Variants in TMEM131 observed in about 807,000 individuals in gnomAD.
The protein encoded by TMEM131 is 2610524E03Rik.
TMEM131 carries 66 observed loss-of-function variants against 211.6 expected under a neutral mutation model. That is an observed-to-expected ratio of 0.31 (90% CI 0.26 to 0.38). The LOEUF is 0.38. Ranked by LOEUF, TMEM131 falls within the 10% of genes least tolerant of loss-of-function variation. The pLI is 1.00. For missense variants in TMEM131, 2,036 were observed against 2,299.3 expected (o/e 0.89, Z 2.34); for synonymous variants, 844 against 841.3 (o/e 1.00, Z -0.06).
intron 1 of TMEM131, among the ~76,000 whole-genome samples, chr2:97,962,199 C>T (rs754589537): frequency 8.6e-5 from 13 of 151,960 alleles, no homozygotes; most frequent in Non-Finnish European, 1.8e-4. Context: ...TCTCAAAAAA[C>T]GCTGCTTAAA....
At position 97,995,834 on chromosome 2, in the gene TMEM131, G is replaced by A; in HGVS notation, c.-172C>T. 1 of 309,016 alleles carries A rather than the reference G, an allele frequency of 3.2e-6. No individual in the cohort carries two copies. Among genetic ancestry groups the A allele is most frequent in the Non-Finnish European group, 5.5e-6 (1 of 182,196 alleles). 19.1% of individuals were successfully genotyped at this position (309,016 alleles called of 1,614,324 possible). ...GGCCTGGGTCCGTGCGTGCGTGTGA[G>A]CGAGAGTGTCAGTCACGGTCTTTGC... On this transcript the variant is annotated 5_prime_UTR_variant, in exon 1 of 41. Coordinates refer to ENST00000186436, the MANE Select transcript of TMEM131 (RefSeq NM_015348.2).
chr2:97,868,811 A>G (rs1028376033), intron 4 of TMEM131, among the ~76,000 whole-genome samples: 11 of 152,294 alleles, frequency 7.2e-5, no homozygotes, highest in African/African-American at 2.6e-4. Context: ...ACCAAGAAGC[A>G]CTCAAATTGT....
At position 97,833,422 on chromosome 2, in the gene TMEM131, T is replaced by A; in HGVS notation, c.1017A>T (p.Leu339=). The part of the protein sequence containing the change: ...LDFGTLRTQD[L]PKVLNLHLLN... ...ATAAATGAAGGTTTAAAACTTTTGGTAGATCTGTTAAAATTGAGGAAAAGA... is the reference window on the plus strand; with the variant it reads ...ATAAATGAAGGTTTAAAACTTTTGGAAGATCTGTTAAAATTGAGGAAAAGA... Residue 339 remains leucine (L), a synonymous_variant, in exon 11 of 41, where the codon CTA becomes CTT. Transcript: ENST00000186436. 7.5e-7 allele frequency: 1 copy of A among 1,326,670 alleles called. No homozygotes were observed. Among genetic ancestry groups the A allele is most frequent in the Non-Finnish European group, 1.0e-6 (1 of 953,932 alleles). The allele number at this position is 1,326,670 out of a possible 1,614,324, so 82.2% of individuals were successfully genotyped here. A position where few individuals can be genotyped will look rare whatever the true frequency, so the allele number is the denominator to read the frequency against.
intron 3 of TMEM131, among the ~76,000 whole-genome samples, chr2:97,893,282 A>G (rs1197375323): frequency 6.6e-6 from 1 of 151,190 alleles, no homozygotes; most frequent in African/African-American, 2.4e-5. Flanking sequence ...TTCTTTATCC[A>G]CTCTATCTTT....
chr2:97,832,245 C>T (rs1247873533), intron 11 of TMEM131, among the ~76,000 whole-genome samples: 1 of 152,138 alleles, frequency 6.6e-6, no homozygotes, highest in Non-Finnish European at 1.5e-5. Context: ...AGTACTAGTT[C>T]TTCATTCACA....
chr2:97,987,199 A>G (rs1680063495), intron 1 of TMEM131, among the ~76,000 whole-genome samples: 1 of 152,232 alleles, frequency 6.6e-6, no homozygotes, highest in Admixed American at 6.5e-5. Flanking sequence ...CTTTGCAATC[A>G]TTATAACTGA....
chr2:97,936,109 C>G (rs535860453), intron 1 of TMEM131, among the ~76,000 whole-genome samples: 1 of 152,194 alleles, frequency 6.6e-6, no homozygotes, highest in Non-Finnish European at 1.5e-5. Flanking sequence ...TGACTCAGAG[C>G]TTTCCCACTG....
chr2:97,923,410 C>T (rs572245035), intron 2 of TMEM131, among the ~76,000 whole-genome samples: 7 of 152,062 alleles, frequency 4.6e-5, no homozygotes, highest in African/African-American at 1.7e-4. Context: ...ACTGCTTGAG[C>T]CCAGGAGTTT....
chr2:97,976,536 G>T (rs1022154290), intron 1 of TMEM131, among the ~76,000 whole-genome samples: 1 of 152,114 alleles, frequency 6.6e-6, no homozygotes, highest in Non-Finnish European at 1.5e-5. Context: ...AAATATCCCT[G>T]TTCATGTGTC....
Position 97,934,387 on chromosome 2 carries a change from C to G in TMEM131, c.188-6900G>C, listed in dbSNP as rs373128503. 5.5e-4 allele frequency among the ~76,000 whole-genome samples: 83 copies of G among 152,120 alleles called. 2 individuals are homozygous for G. The East Asian group carries it at 8.3e-3, about 15-fold the overall frequency. ...ATAAATCAAAGAAGATCTACATAAA[C>G]AAGAAGACACACTATATTCATGGAT... On this transcript the variant is annotated intron_variant, in intron 1 of 40. Coordinates refer to ENST00000186436, the MANE Select transcript of TMEM131 (RefSeq NM_015348.2).
rs1283193029 is a variant in TMEM131 at position 97,834,817 on chromosome 2, T to G, written c.913A>C (p.Thr305Pro). The G allele has an allele frequency of 6.2e-7, 1 of 1,613,774 alleles. No individual in the cohort carries two copies. Among genetic ancestry groups the G allele is most frequent in the Non-Finnish European group, 8.5e-7 (1 of 1,179,840 alleles). The change falls in exon 9 of 41, where the codon ACA (threonine) becomes CCA (proline). Residue 305 changes from threonine (T) to proline (P), a missense_variant. Physicochemically the swap from Thr to Pro is conservative, Grantham distance 38 (BLOSUM62 -1). Coordinates refer to ENST00000186436, the MANE Select transcript of TMEM131 (RefSeq NM_015348.2). ...IRIKTNASDS[T>P]EFIILPVEVE... The stretch of plus-strand genomic sequence containing the variant: ...TCAACAGGAAGAATGATAAACTCTG[T>G]GCTGTCTGAAGCATTAGTCTTTATT...
intron 1 of TMEM131, among the ~76,000 whole-genome samples, chr2:97,971,495 G>T (rs184450075): frequency 6.6e-6 from 1 of 152,162 alleles, no homozygotes; most frequent in Non-Finnish European, 1.5e-5. Flanking sequence ...GTTTCTATAC[G>T]TTGCCAAATG....
At chr2:97,919,252 C>T (rs570966573) in intron 2 of TMEM131, among the ~76,000 whole-genome samples, 1 of 152,174 alleles carries the variant, frequency 6.6e-6, no homozygotes, top group Non-Finnish European at 1.5e-5. Context: ...TTTTAATGTT[C>T]TTTATTCCTT....
chr2:97,900,714 C>A (rs1335340032), intron 3 of TMEM131, among the ~76,000 whole-genome samples: 1 of 151,612 alleles, frequency 6.6e-6, no homozygotes, highest in Non-Finnish European at 1.5e-5. Context: ...TATTTCATTT[C>A]TCTTGTATAT....
At chr2:97,948,620 T>C (rs1196927320) in intron 1 of TMEM131, among the ~76,000 whole-genome samples, 1 of 152,136 alleles carries the variant, frequency 6.6e-6, no homozygotes, top group Admixed American at 6.5e-5. Context: ...TATAAAATGG[T>C]GCAACCACTT....
chr2:97,771,568 G>C (rs747859140), intron 33 of TMEM131, among the ~76,000 whole-genome samples: 9 of 152,232 alleles, frequency 5.9e-5, no homozygotes, highest in Admixed American at 1.3e-4. Flanking sequence ...CAAGCGGGTA[G>C]ACAGCAGCTC....
chr2:97,966,228 A>T (rs758699709), intron 1 of TMEM131, among the ~76,000 whole-genome samples: 3 of 151,958 alleles, frequency 2.0e-5, no homozygotes, highest in Non-Finnish European at 4.4e-5. Context: ...TCACTGCAAC[A>T]TAACTTAGCA....
intron 11 of TMEM131, among the ~76,000 whole-genome samples, chr2:97,823,742 C>T (rs916351152): frequency 6.6e-6 from 1 of 152,110 alleles, no homozygotes; most frequent in African/African-American, 2.4e-5. Flanking sequence ...CACCATAACT[C>T]AGGGAAAGGA....
At chr2:97,820,459 T>C (rs972611356) in intron 11 of TMEM131, among the ~76,000 whole-genome samples, 14 of 152,172 alleles carry the variant, frequency 9.2e-5, no homozygotes, top group Non-Finnish European at 1.9e-4. Flanking sequence ...CAGAAGTATA[T>C]GTGACAATCC....
Sources: allele counts gnomAD v4.1 joint callset (sites outside exome capture counted in the v4.1 genomes callset), GRCh38; gene constraint gnomAD v4.1.1; transcripts MANE v1.5; gene names NCBI Gene and HGNC (gene_info 2026-07-23, HGNC 2026-07-21).